ZBTB26: variants seen among roughly 807,000 people sequenced by gnomAD.
ZBTB26 encodes the protein zinc finger and BTB domain-containing protein 26.
ZBTB26 carries 12 observed loss-of-function variants against 31.6 expected under a neutral mutation model. The ratio of observed to expected loss-of-function variants is 0.38; its 90% confidence interval spans 0.24 to 0.61. The LOEUF (loss-of-function observed/expected upper bound fraction) is 0.61, where lower values mean the gene tolerates loss of function less well. Ranked by LOEUF, ZBTB26 falls within the 20% of genes least tolerant of loss-of-function variation. ZBTB26 has a pLI of 0.60. For synonymous variants in ZBTB26, 155 were observed against 182.9 expected, an observed-to-expected ratio of 0.85 and a Z score of 1.23; for missense variants, 311 against 521.9, an observed-to-expected ratio of 0.60 and a Z score of 3.94.
chr9:122,928,651 T>C (rs1284306131), intron 1 of ZBTB26, among the ~76,000 whole-genome samples: 1 of 152,258 alleles, frequency 6.6e-6, no homozygotes, highest in Non-Finnish European at 1.5e-5. Context: ...GCCTGTCTTC[T>C]GTTTCTCAAT....
At chr9:122,925,258 A>G (rs549675830) in intron 1 of ZBTB26, among the ~76,000 whole-genome samples, 2 of 152,224 alleles carry the variant, frequency 1.3e-5, no homozygotes, top group African/African-American at 4.8e-5. Flanking sequence ...CTGTAGTCCC[A>G]GCTTCTTGGG....
chr9:122,921,964 G>T (rs892364440), intron 1 of ZBTB26, among the ~76,000 whole-genome samples: 13 of 151,768 alleles, frequency 8.6e-5, no homozygotes, highest in African/African-American at 3.1e-4. Context: ...AACAAGCCAG[G>T]CATGGTGGCT....
chr9:122,923,362 T>C (rs1212216554), intron 1 of ZBTB26, among the ~76,000 whole-genome samples: 3 of 59,412 alleles, frequency 5.0e-5, no homozygotes, highest in Admixed American at 1.4e-4. Flanking sequence ...AAAAACTGCA[T>C]TGAGAGAGGA....
rs146904883 is a variant in ZBTB26, at chr9:122,930,459, G to T, written c.-11+978C>A. Among the ~76,000 whole-genome samples, 660 of 152,258 alleles carry T rather than the reference G, an allele frequency of 4.3e-3. 23 individuals are homozygous for T. Among genetic ancestry groups the T allele is most frequent in the Admixed American group, 0.038 (574 of 15,296 alleles). ...GGCTGATCCCATTACCCCTTCAAAAGAATCTCCGATAAGCGTTCCTAACTT... is the reference window on the plus strand; with the variant it reads ...GGCTGATCCCATTACCCCTTCAAAATAATCTCCGATAAGCGTTCCTAACTT... On this transcript the variant is annotated intron_variant, in intron 1 of 1. Coordinates refer to ENST00000373656, the MANE Select transcript of ZBTB26 (RefSeq NM_020924.4).
chr9:122,926,318 C>T (rs1289379994), intron 1 of ZBTB26, among the ~76,000 whole-genome samples: 3 of 151,586 alleles, frequency 2.0e-5, no homozygotes, highest in African/African-American at 4.8e-5. Flanking sequence ...ATCGAGACCA[C>T]GGTGAAACCC....
chr9:122,925,668 G>A (rs1277005314), intron 1 of ZBTB26, among the ~76,000 whole-genome samples: 2 of 151,714 alleles, frequency 1.3e-5, no homozygotes, highest in South Asian at 2.1e-4. Flanking sequence ...GCGTGATCTC[G>A]GCTTGCTGCA....
chr9:122,921,905 T>C (rs1381874002), intron 1 of ZBTB26, among the ~76,000 whole-genome samples: 3 of 151,224 alleles, frequency 2.0e-5, no homozygotes, highest in African/African-American at 7.3e-5. Context: ...CACTCCAGCC[T>C]GGGCAACAAG....
intron 1 of ZBTB26, 147 bp from the exon 2 acceptor site, chr9:122,920,091 T>C (rs911253530): frequency 1.9e-5 from 19 of 1,011,110 alleles, no homozygotes; most frequent in East Asian, 2.7e-5. Flanking sequence ...GAAGCCACTA[T>C]AACAGGTTTC....
intron 1 of ZBTB26, among the ~76,000 whole-genome samples, chr9:122,930,634 C>T (rs1050089668): frequency 2.6e-5 from 4 of 152,138 alleles, no homozygotes; most frequent in Non-Finnish European, 5.9e-5. Context: ...AGGATTACAC[C>T]ATTCACCATC....
intron 1 of ZBTB26, 72 bp downstream of exon 1, chr9:122,931,365 A>T (rs913379287): frequency 6.6e-6 from 1 of 152,398 alleles, no homozygotes; most frequent in Non-Finnish European, 1.5e-5. Context: ...CGGTTGATCC[A>T]GGGCCCCAGG....
intron 1 of ZBTB26, chr9:122,931,222 G>C (rs1434326613): frequency 6.5e-6 from 1 of 152,810 alleles, no homozygotes; most frequent in East Asian, 1.9e-4. Context: ...GGCGGTCCCA[G>C]GGGCATCCTC....
rs754091504 is a variant in ZBTB26, at chr9:122,918,680, G to C, written c.1255C>G (p.Gln419Glu). The change falls in exon 2 of 2, where the codon CAG becomes GAG. Residue 419 changes from glutamine to glutamate, a missense_variant. Physicochemically the swap from Gln to Glu is conservative, Grantham distance 29. Transcript: ENST00000373656. ...GCCAGTTTACCTGCATCCAGGACCT[G>C]TGTTGCATCGGGTTGTGGCTGACAC... is the stretch of plus-strand genomic sequence containing the variant. Reference protein sequence around the residue: ...KGCQPQPDATQVLDAGKLAQA... With the variant: ...KGCQPQPDATEVLDAGKLAQA... The C allele has an allele frequency of 4.3e-6, 7 of 1,614,220 alleles. No homozygotes were observed. In the South Asian group the frequency reaches 7.7e-5, roughly 18 times the overall value.
intron 1 of ZBTB26, chr9:122,930,979 TG>T (rs1253782632): frequency 6.6e-6 from 1 of 152,232 alleles, no homozygotes; most frequent in Non-Finnish European, 1.5e-5. Flanking sequence ...CTCCAGTGTC[TG>T]GTATAGCGCC....
At position 122,919,982 on chromosome 9, in the gene ZBTB26, A is replaced by C; in HGVS notation, c.-10-38T>G. 6.6e-7 allele frequency: 1 copy of C among 1,522,060 alleles called. No individual in the cohort carries two copies. Among genetic ancestry groups the C allele is most frequent in the Non-Finnish European group, 8.8e-7 (1 of 1,141,510 alleles). 94.3% of individuals were successfully genotyped at this position (1,522,060 alleles called of 1,614,324 possible). On this transcript the variant is annotated intron_variant, in intron 1 of 1. Transcript: ENST00000373656. This position sits in a 1 kb window ranked among gnomAD's most constrained non-coding sequence, Gnocchi z 6.1. ...AATGTAAAAAGGTTGAATTTAAGGA[A>C]ACTCAGACAATTAAGAAAGCTGGAT... is the stretch of plus-strand genomic sequence containing the variant.
In ZBTB26 at chr9:122,919,204, T is replaced by C. The variant is rs748940421; in HGVS notation, c.731A>G (p.Tyr244Cys). Residue 244 changes from tyrosine (Y) to cysteine (C), a missense_variant, in exon 2 of 2, where the codon TAT becomes TGT. Transcript: ENST00000373656. The surrounding 1 kb of genome is among the most constrained non-coding windows in gnomAD (Gnocchi z 6.1). Reference protein sequence around the residue: ...QNHLHNYALSYTGSDNIIMAS... With the variant: ...QNHLHNYALSCTGSDNIIMAS... Reference sequence around the variant, plus strand: ...CATGATGATGTTATCACTGCCTGTATAAGAAAGGGCATAATTGTGGAGATG... The same window carrying C: ...CATGATGATGTTATCACTGCCTGTACAAGAAAGGGCATAATTGTGGAGATG... 8 of 1,614,138 alleles carry C rather than the reference T, an allele frequency of 5.0e-6. No individual in the cohort carries two copies. In the South Asian group the frequency reaches 7.7e-5, roughly 16 times the overall value.
chr9:122,918,735 A>G lies in ZBTB26; in HGVS notation c.1200T>C (p.Phe400=). The change falls in exon 2 of 2, where the codon TTT becomes TTC. Residue 400 remains phenylalanine (F), a synonymous_variant. Transcript: ENST00000373656. ...VQDLTVDFDS[F]ACTTVTDSKG... ...TAGAGTCTGTGACTGTTGTACATGC[A>G]AAAGAATCAAAATCCACTGTGAGGT... is the stretch of plus-strand genomic sequence containing the variant. 6.2e-7 allele frequency: 1 copy of G among 1,614,212 alleles called. No homozygotes were observed. The highest frequency in any genetic ancestry group is 8.5e-7 in the Non-Finnish European group (1 of 1,180,032).
chr9:122,920,492 C>G (rs939264033), intron 1 of ZBTB26, among the ~76,000 whole-genome samples: 1 of 152,214 alleles, frequency 6.6e-6, no homozygotes, highest in Non-Finnish European at 1.5e-5. Flanking sequence ...TTCCTTTGCT[C>G]TTTTTCTTTG....
At chr9:122,930,690 G>A (rs533072029) in intron 1 of ZBTB26, among the ~76,000 whole-genome samples, 1 of 152,022 alleles carries the variant, frequency 6.6e-6, no homozygotes, top group Non-Finnish European at 1.5e-5. Context: ...TCTGTGCATA[G>A]GAGTCCCCCC....
At chr9:122,928,765 G>A (rs1833223026) in intron 1 of ZBTB26, among the ~76,000 whole-genome samples, 1 of 152,070 alleles carries the variant, frequency 6.6e-6, no homozygotes, top group African/African-American at 2.4e-5. Context: ...ACCTGTTCTA[G>A]GCTATTTCCC....
Sources: gnomAD v4.1 joint callset for allele counts (sites outside exome capture counted in the v4.1 genomes callset) on GRCh38, gnomAD v4.1.1 for gene constraint, Gnocchi (gnomAD v3.1) non-coding constraint, MANE v1.5 for transcripts, NCBI Gene and HGNC (gene_info 2026-07-23, HGNC 2026-07-21) for gene names.